Variants in SNTB1 observed in about 807,000 individuals in gnomAD.
SNTB1 encodes beta-1-syntrophin.
Under a neutral mutation model 48.9 loss-of-function variants are expected in SNTB1, and 36 were observed. The observed-to-expected ratio is 0.74, with a 90% confidence interval of 0.56 to 0.97. The LOEUF is 0.97. SNTB1 is among the 50% of genes least tolerant of loss of function. SNTB1 has a pLI of 0.00. For missense variants in SNTB1, 786 were observed against 703.4 expected (o/e 1.12, Z -1.33); for synonymous variants, 299 against 294.6 (o/e 1.01, Z -0.15).
At chr8:120,768,365 T>C (rs1350058229) in intron 1 of SNTB1, among the ~76,000 whole-genome samples, 2 of 152,182 alleles carry the variant, frequency 1.3e-5, no homozygotes, top group Non-Finnish European at 2.9e-5. Flanking sequence ...AAGGGGACAT[T>C]CTAAAGGCAG....
At chr8:120,748,938 A>G (rs1257130641) in intron 1 of SNTB1, among the ~76,000 whole-genome samples, 2 of 152,350 alleles carry the variant, frequency 1.3e-5, no homozygotes, top group Admixed American at 6.5e-5. Context: ...TAGGAAGAAT[A>G]CTACCAACCT....
At chr8:120,686,678 G>T (rs2129838585) in intron 2 of SNTB1, among the ~76,000 whole-genome samples, 1 of 152,162 alleles carries the variant, frequency 6.6e-6, no homozygotes, top group South Asian at 2.1e-4. Context: ...AAAGTTAAAG[G>T]GAATAAGTAA....
chr8:120,811,810 GC>G lies in SNTB1; in HGVS notation c.33del (p.Pro12ArgfsTer28). On this transcript the variant is annotated frameshift_variant, in exon 1 of 7. Transcript: ENST00000517992. LOFTEE classifies it high-confidence loss of function. MAVAAAAAAAGPAGAGGGRAQ... is the reference protein window; with the variant it reads MAVAAAAAAAXPAGAGGGRAQ... ...GCCCGGCCGCCTCCCGCGCCAGCCG[GC>G]CCAGCCGCCGCCGCCGCCGCCGCTA... 1 of 1,366,440 alleles carries G rather than the reference GC, an allele frequency of 7.3e-7. No individual in the cohort carries two copies. Among genetic ancestry groups the G allele is most frequent in the Non-Finnish European group, 9.4e-7 (1 of 1,063,536 alleles). 84.6% of individuals were successfully genotyped at this position (1,366,440 alleles called of 1,614,324 possible). A position where few individuals can be genotyped will look rare whatever the true frequency, so the allele number is the denominator to read the frequency against.
chr8:120,775,063 G>A (rs963302066), intron 1 of SNTB1, among the ~76,000 whole-genome samples: 1 of 152,182 alleles, frequency 6.6e-6, no homozygotes, highest in Non-Finnish European at 1.5e-5. Flanking sequence ...AGACTTCAGG[G>A]AAAATATGGA....
At chr8:120,659,381 G>A (rs967372944) in intron 2 of SNTB1, among the ~76,000 whole-genome samples, 5 of 151,990 alleles carry the variant, frequency 3.3e-5, no homozygotes, top group African/African-American at 4.8e-5. Flanking sequence ...AAGAAACGAC[G>A]CCTGCATTTG....
At chr8:120,765,020 G>A (rs1351017131) in intron 1 of SNTB1, among the ~76,000 whole-genome samples, 1 of 152,158 alleles carries the variant, frequency 6.6e-6, no homozygotes, top group Non-Finnish European at 1.5e-5. Flanking sequence ...GAGGTCAGGA[G>A]TTTGAGACCA....
chr8:120,682,830 G>C (rs1210623181), intron 2 of SNTB1, among the ~76,000 whole-genome samples: 1 of 151,924 alleles, frequency 6.6e-6, no homozygotes, highest in Non-Finnish European at 1.5e-5. Context: ...TTCAAATGAA[G>C]GAGGTAAATT....
intron 2 of SNTB1, among the ~76,000 whole-genome samples, chr8:120,650,181 T>C (rs1817389485): frequency 1.3e-5 from 2 of 152,250 alleles, no homozygotes; most frequent in Admixed American, 1.3e-4. Flanking sequence ...TTCGGCCATC[T>C]TGGCTCTGGT....
chr8:120,770,502 G>A (rs1819605415), intron 1 of SNTB1, among the ~76,000 whole-genome samples: 1 of 151,826 alleles, frequency 6.6e-6, no homozygotes, highest in African/African-American at 2.4e-5. Context: ...TGGTTTGAGA[G>A]AGGTATCTTT....
At chr8:120,614,337 G>A (rs1227172590) in intron 3 of SNTB1, among the ~76,000 whole-genome samples, 2 of 152,188 alleles carry the variant, frequency 1.3e-5, no homozygotes, top group African/African-American at 4.8e-5. Context: ...CAACCAATCT[G>A]TCTTAAACTA....
intron 4 of SNTB1, among the ~76,000 whole-genome samples, chr8:120,556,801 C>T (rs975772787): frequency 6.6e-6 from 1 of 152,182 alleles, no homozygotes; most frequent in South Asian, 2.1e-4. Flanking sequence ...GATTAATTTG[C>T]ATTGGCATAT....
At chr8:120,664,068 C>T (rs1044550374) in intron 2 of SNTB1, among the ~76,000 whole-genome samples, 4 of 152,034 alleles carry the variant, frequency 2.6e-5, no homozygotes, top group Admixed American at 2.6e-4. Flanking sequence ...CTTAGTGAGG[C>T]GGATGGTACC....
chr8:120,665,322 C>T lies in SNTB1; in HGVS notation c.788+28370G>A, dbSNP rs530437911. Among the ~76,000 whole-genome samples, 9 of 152,052 alleles carry T rather than the reference C, an allele frequency of 5.9e-5. No homozygotes were observed. In the East Asian group the frequency reaches 1.4e-3, roughly 23 times the overall value. On this transcript the variant is annotated intron_variant, in intron 2 of 6. Transcript: ENST00000517992. The stretch of plus-strand genomic sequence containing the variant: ...CAAAAATTAGCCAGGCTTGGTGGCA[C>T]GTGCCTATATTTCCAGCTACTCGGG...
intron 1 of SNTB1, among the ~76,000 whole-genome samples, chr8:120,792,700 T>C (rs1048867250): frequency 3.9e-5 from 6 of 151,922 alleles, no homozygotes; most frequent in African/African-American, 1.2e-4. Flanking sequence ...GAAGCTAAAA[T>C]TGTAGCAAGT....
intron 1 of SNTB1, among the ~76,000 whole-genome samples, chr8:120,730,282 C>A (rs1332546913): frequency 6.6e-6 from 1 of 152,130 alleles, no homozygotes; most frequent in African/African-American, 2.4e-5. Context: ...GTCTCAGCCT[C>A]CCGAGTAGCT....
chr8:120,545,405 A>G (rs1228876460), intron 5 of SNTB1, among the ~76,000 whole-genome samples: 1 of 152,158 alleles, frequency 6.6e-6, no homozygotes, highest in Non-Finnish European at 1.5e-5. Context: ...TATACGACTC[A>G]AAGAGTGTTC....
chr8:120,807,885 CTA>C (rs1409392290), intron 1 of SNTB1, among the ~76,000 whole-genome samples: 29 of 152,044 alleles, frequency 1.9e-4, no homozygotes, highest in Non-Finnish European at 2.6e-4. Flanking sequence ...ATGCTCCTGG[CTA>C]TGTTACATTA....
intron 1 of SNTB1, among the ~76,000 whole-genome samples, chr8:120,745,951 C>G (rs1371306129): frequency 6.6e-6 from 1 of 152,206 alleles, no homozygotes; most frequent in Non-Finnish European, 1.5e-5. Context: ...GCCCAAGGGT[C>G]TATCCCAGGG....
At chr8:120,559,321 T>C (rs1815616085) in intron 4 of SNTB1, among the ~76,000 whole-genome samples, 1 of 152,220 alleles carries the variant, frequency 6.6e-6, no homozygotes. Context: ...GGGATAGAAG[T>C]TGCCTATTTT....
Sources: gnomAD v4.1 joint callset for allele counts (sites outside exome capture counted in the v4.1 genomes callset) on GRCh38, gnomAD v4.1.1 for gene constraint, MANE v1.5 for transcripts, NCBI Gene and HGNC (gene_info 2026-07-23, HGNC 2026-07-21) for gene names.